ROBO1: variants seen among roughly 807,000 people sequenced by gnomAD.
ROBO1 encodes roundabout guidance receptor 1, also known as roundabout homolog 1.
A neutral mutation model predicts 195.9 loss-of-function variants in ROBO1; 149 were observed. That is an observed-to-expected ratio of 0.76 (90% CI 0.67 to 0.87). The LOEUF (loss-of-function observed/expected upper bound fraction) is 0.87, where lower values mean the gene tolerates loss of function less well. ROBO1 is among the 40% of genes least tolerant of loss of function. The pLI, the probability that ROBO1 is intolerant of heterozygous loss-of-function variation, is 0.00. For synonymous variants in ROBO1, 816 were observed against 733.2 expected (o/e 1.11, Z -1.82); for missense variants, 1,933 against 2,068.3 (o/e 0.93, Z 1.27).
At chr3:79,080,505 T>C (rs569154870) in intron 3 of ROBO1, among the ~76,000 whole-genome samples, 1 of 152,212 alleles carries the variant, frequency 6.6e-6, no homozygotes, top group African/African-American at 2.4e-5. Flanking sequence ...GTTTCTACTT[T>C]AGTTTCTCAA....
intron 2 of ROBO1, among the ~76,000 whole-genome samples, chr3:79,568,078 A>G (rs1170607913): frequency 1.3e-5 from 2 of 152,076 alleles, no homozygotes; most frequent in African/African-American, 4.8e-5. Flanking sequence ...AATATCCACA[A>G]TCTCACCTCT....
chr3:78,621,588 T>A (rs537846163), intron 26 of ROBO1, among the ~76,000 whole-genome samples: 1 of 152,180 alleles, frequency 6.6e-6, no homozygotes, highest in Non-Finnish European at 1.5e-5. Context: ...GTGATAAACA[T>A]GTACAGTTTG....
intron 5 of ROBO1, among the ~76,000 whole-genome samples, chr3:78,723,530 A>G (rs969025334): frequency 6.6e-6 from 1 of 152,188 alleles, no homozygotes; most frequent in Non-Finnish European, 1.5e-5. Flanking sequence ...AGTAAATTTT[A>G]GGCTTTATAG....
At chr3:79,079,277 C>A (rs781007854) in intron 3 of ROBO1, among the ~76,000 whole-genome samples, 2 of 151,590 alleles carry the variant, frequency 1.3e-5, no homozygotes, top group Non-Finnish European at 3.0e-5. Context: ...ATTCTCAGAC[C>A]TAAATTCTAG....
chr3:79,248,115 T>C (rs576048808), intron 2 of ROBO1, among the ~76,000 whole-genome samples: 224 of 152,126 alleles, frequency 1.5e-3, no homozygotes, highest in African/African-American at 4.9e-3. Context: ...TTTGGATAGA[T>C]TTGGGGGAAA....
intron 2 of ROBO1, among the ~76,000 whole-genome samples, chr3:79,367,381 G>T (rs1007631309): frequency 1.3e-5 from 2 of 152,112 alleles, no homozygotes; most frequent in Admixed American, 1.3e-4. Flanking sequence ...TCTGCAGTTA[G>T]AATTCCCTGA....
chr3:79,336,969 G>C (rs754273429), intron 2 of ROBO1, among the ~76,000 whole-genome samples: 2 of 152,176 alleles, frequency 1.3e-5, no homozygotes, highest in Non-Finnish European at 2.9e-5. Flanking sequence ...TTTAATGACT[G>C]CCCCATTAGA....
chr3:78,612,369 C>T (rs565931169), intron 28 of ROBO1, among the ~76,000 whole-genome samples: 1 of 152,206 alleles, frequency 6.6e-6, no homozygotes, highest in African/African-American at 2.4e-5. Context: ...CTTCCTCTCC[C>T]TTCTCTTTTT....
intron 1 of ROBO1, among the ~76,000 whole-genome samples, chr3:79,611,731 T>G (rs904830749): frequency 6.6e-6 from 1 of 151,876 alleles, no homozygotes; most frequent in African/African-American, 2.4e-5. Context: ...ATACTGGGCC[T>G]TGTCAGGGAG....
intron 4 of ROBO1, among the ~76,000 whole-genome samples, chr3:78,750,178 G>C (rs999219814): frequency 1.3e-5 from 2 of 151,984 alleles, no homozygotes; most frequent in Admixed American, 6.6e-5. Context: ...TCACTGGGCC[G>C]GGCGCAGTGG....
At chr3:79,108,275 G>C (rs751280145) in intron 3 of ROBO1, among the ~76,000 whole-genome samples, 33 of 151,536 alleles carry the variant, frequency 2.2e-4, no homozygotes, top group Non-Finnish European at 3.8e-4. Flanking sequence ...ACAGTTACTC[G>C]TATAAAAATG....
At chr3:78,966,684 T>G (rs548514500) in intron 3 of ROBO1, among the ~76,000 whole-genome samples, 1 of 152,338 alleles carries the variant, frequency 6.6e-6, no homozygotes, top group African/African-American at 2.4e-5. Flanking sequence ...TAAATACAAT[T>G]GGCACCTCTT....
At chr3:78,798,908 A>C (rs1173182777) in intron 4 of ROBO1, among the ~76,000 whole-genome samples, 3 of 152,230 alleles carry the variant, frequency 2.0e-5, no homozygotes, top group African/African-American at 4.8e-5. Context: ...TAGACCATCA[A>C]TAAGCTGGGA....
intron 29 of ROBO1, among the ~76,000 whole-genome samples, chr3:78,604,407 C>T (rs1008094124): frequency 2.0e-5 from 3 of 152,192 alleles, no homozygotes; most frequent in African/African-American, 7.2e-5. Flanking sequence ...GGAATTGCTC[C>T]ATACTTTCTG....
At chr3:78,702,265 C>T (rs779937694) in intron 8 of ROBO1, among the ~76,000 whole-genome samples, 8 of 152,036 alleles carry the variant, frequency 5.3e-5, no homozygotes, top group Non-Finnish European at 7.4e-5. Flanking sequence ...AAAACCATAG[C>T]AAGCAAATAA....
At chr3:79,234,782 G>T (rs2082379447) in intron 2 of ROBO1, among the ~76,000 whole-genome samples, 1 of 152,018 alleles carries the variant, frequency 6.6e-6, no homozygotes, top group Non-Finnish European at 1.5e-5. Context: ...GGTACTCATG[G>T]ACATAAAGAT....
intron 3 of ROBO1, among the ~76,000 whole-genome samples, chr3:79,028,297 CT>C (rs899068804): frequency 7.3e-5 from 11 of 151,134 alleles, no homozygotes; most frequent in Admixed American, 1.3e-4. Flanking sequence ...CATATAAAGA[CT>C]TTTTTTTTCT....
At chr3:79,314,989 G>A (rs1049465881) in intron 2 of ROBO1, among the ~76,000 whole-genome samples, 3 of 152,164 alleles carry the variant, frequency 2.0e-5, no homozygotes, top group Admixed American at 6.5e-5. Flanking sequence ...AGTTCTCACC[G>A]AAATGTCTTT....
chr3:78,654,348 C>T (rs1382532708), intron 18 of ROBO1, among the ~76,000 whole-genome samples: 1 of 152,176 alleles, frequency 6.6e-6, no homozygotes, highest in Non-Finnish European at 1.5e-5. Flanking sequence ...GGCTGAAAAA[C>T]CTATTTTCAT....
Sources: allele counts gnomAD v4.1 joint callset (sites outside exome capture counted in the v4.1 genomes callset), GRCh38; gene constraint gnomAD v4.1.1; transcripts MANE v1.5; gene names NCBI Gene and HGNC (gene_info 2026-07-23, HGNC 2026-07-21).